Variants in ZNF704 observed in about 807,000 individuals in gnomAD.
The protein encoded by ZNF704 is zinc finger protein 704.
In ZNF704, 10 loss-of-function variants were observed where a neutral mutation model predicts 44.7. The observed-to-expected ratio is 0.22, with a 90% CI of 0.14 to 0.38. ZNF704 has a LOEUF of 0.38. Among genes scored for constraint, ZNF704 ranks in the 10% least tolerant of loss-of-function variants. The pLI is 1.00. For synonymous variants in ZNF704, 211 were observed against 207.6 expected (o/e 1.02, Z -0.14); for missense variants, 390 against 545.5 (o/e 0.71, Z 2.84).
Position 80,657,683 on chromosome 8 carries a change from CCT to C in ZNF704, c.1032+1900_1032+1901del, listed in dbSNP as rs569789172. Among the ~76,000 whole-genome samples, 188 of 145,206 alleles carry C rather than the reference CCT, an allele frequency of 1.3e-3. 1 individual carries two copies. The highest frequency in any genetic ancestry group is 4.6e-3 in the African/African-American group (171 of 37,070). On this transcript the variant is annotated intron_variant, in intron 7 of 8. Transcript: ENST00000327835. ...CTAAGCCTGGGTCATGGACTGAGAC[CCT>C]GTTTCAAGAAAAAAAAAAAAAAAAA...
intron 1 of ZNF704, among the ~76,000 whole-genome samples, chr8:80,863,936 T>C (rs980578798): frequency 1.4e-4 from 21 of 152,304 alleles, no homozygotes; most frequent in African/African-American, 5.1e-4. Flanking sequence ...GAATTTCTTC[T>C]CCCTTGGCAC....
rs775834014 is a variant in ZNF704, at chr8:80,635,809, T to G, written c.*5557A>C. Reference sequence around the variant, plus strand: ...GTAAAAGGAGTAGCTGTTGCTATCTTGATTCTCCTATAATACCCATTCCAT... The same window carrying G: ...GTAAAAGGAGTAGCTGTTGCTATCTGGATTCTCCTATAATACCCATTCCAT... On this transcript the variant is annotated 3_prime_UTR_variant, in exon 9 of 9. Transcript: ENST00000327835. 5 of 152,210 alleles carry G rather than the reference T, an allele frequency of 3.3e-5. No homozygotes were observed. The highest frequency in any genetic ancestry group is 7.3e-5 in the Non-Finnish European group (5 of 68,028). The allele number at this position is 152,210 out of a possible 1,614,324, so 9.4% of individuals were successfully genotyped here. A position where few individuals can be genotyped will look rare whatever the true frequency, so the allele number is the denominator to read the frequency against.
intron 1 of ZNF704, among the ~76,000 whole-genome samples, chr8:80,857,743 A>C (rs1808987071): frequency 6.6e-6 from 1 of 152,210 alleles, no homozygotes; most frequent in Non-Finnish European, 1.5e-5. Flanking sequence ...ATTTATTGGA[A>C]GGATACCATC....
At chr8:80,783,993 A>C (rs1288161580) in intron 2 of ZNF704, among the ~76,000 whole-genome samples, 1 of 152,154 alleles carries the variant, frequency 6.6e-6, no homozygotes, top group Non-Finnish European at 1.5e-5. Context: ...TAGCCTTTTC[A>C]GATTGGCTTC....
upstream of ZNF704, among the ~76,000 whole-genome samples, chr8:80,875,640 A>G (rs1198235381): frequency 6.6e-6 from 1 of 152,130 alleles, no homozygotes; most frequent in Non-Finnish European, 1.5e-5. Context: ...CATACCCCCA[A>G]TTCCATCCCT....
At chr8:80,714,873 A>G (rs1449421281) in intron 2 of ZNF704, among the ~76,000 whole-genome samples, 1 of 152,136 alleles carries the variant, frequency 6.6e-6, no homozygotes, top group African/African-American at 2.4e-5. Flanking sequence ...AAATCACTCT[A>G]TCACCACTAG....
At chr8:80,829,301 G>A (rs899102672) in intron 1 of ZNF704, among the ~76,000 whole-genome samples, 4 of 152,138 alleles carry the variant, frequency 2.6e-5, no homozygotes, top group Admixed American at 2.6e-4. Flanking sequence ...TCTGCCTGGA[G>A]GTGGGGGGAG....
intron 2 of ZNF704, among the ~76,000 whole-genome samples, chr8:80,790,603 G>T: frequency 6.6e-6 from 1 of 152,148 alleles, no homozygotes; most frequent in East Asian, 1.9e-4. Context: ...GTGGGAGAAG[G>T]CCAGCACAGC....
At chr8:80,714,970 T>C (rs573652345) in intron 2 of ZNF704, among the ~76,000 whole-genome samples, 29 of 152,248 alleles carry the variant, frequency 1.9e-4, no homozygotes, top group Admixed American at 4.6e-4. Context: ...ATGGAAACAA[T>C]AGTGATTTCT....
intron 7 of ZNF704, among the ~76,000 whole-genome samples, chr8:80,657,747 C>T (rs1304169369): frequency 6.6e-6 from 1 of 150,980 alleles, no homozygotes; most frequent in Admixed American, 6.6e-5. Flanking sequence ...CTACTTAACC[C>T]AGCTATGGTA....
chr8:80,824,417 T>C (rs1172277099), intron 1 of ZNF704, among the ~76,000 whole-genome samples: 2 of 152,144 alleles, frequency 1.3e-5, no homozygotes, highest in African/African-American at 2.4e-5. Flanking sequence ...CCAAGAAATA[T>C]GGGACTATGT....
At chr8:80,876,904 G>A (rs992277955), upstream of ZNF704, among the ~76,000 whole-genome samples, 1 of 152,004 alleles carries the variant, frequency 6.6e-6, no homozygotes, top group Non-Finnish European at 1.5e-5. Flanking sequence ...ACTTGTCATC[G>A]GAGGACCATG....
Position 80,805,294 on chromosome 8 carries a change from T to C in ZNF704, c.221+16080A>G, listed in dbSNP as rs73262565. On this transcript the variant is annotated intron_variant, in intron 2 of 8. Coordinates refer to ENST00000327835, the MANE Select transcript of ZNF704 (RefSeq NM_001033723.3). ...GCTCTGGGGAACATGGAGAACAAAC[T>C]GGAGCAAGAAAATTCCTGTTTTTTG... is the stretch of plus-strand genomic sequence containing the variant. Among the ~76,000 whole-genome samples the C allele has an allele frequency of 6.4e-3, 974 of 152,238 alleles. 9 individuals are homozygous for C. Among genetic ancestry groups the C allele is most frequent in the African/African-American group, 0.022 (907 of 41,570 alleles).
At chr8:80,719,428 GA>G (rs1376299002) in intron 2 of ZNF704, among the ~76,000 whole-genome samples, 2 of 152,146 alleles carry the variant, frequency 1.3e-5, no homozygotes, top group Non-Finnish European at 2.9e-5. Context: ...AATGCTTCCA[GA>G]AAAGATCAAA....
chr8:80,883,968 C>T, the ZNF704 span, among the ~76,000 whole-genome samples: 6 of 152,030 alleles, frequency 3.9e-5, no homozygotes, highest in African/African-American at 9.7e-5. Context: ...CTAAATTAAC[C>T]CCAGCAACCT....
At chr8:80,754,342 C>A (rs1201482259) in intron 2 of ZNF704, among the ~76,000 whole-genome samples, 2 of 152,084 alleles carry the variant, frequency 1.3e-5, no homozygotes, top group Non-Finnish European at 2.9e-5. Flanking sequence ...TCTAACTAGT[C>A]CAACAAATAT....
At chr8:80,643,736 T>C (rs1817783630) in intron 7 of ZNF704, among the ~76,000 whole-genome samples, 2 of 152,162 alleles carry the variant, frequency 1.3e-5, no homozygotes, top group South Asian at 4.1e-4. Context: ...TTGAATAATA[T>C]TTTAAATCTT....
At position 80,866,724 on chromosome 8, in the gene ZNF704, G is replaced by GC. The variant is rs200638526; in HGVS notation, c.-22+7846_-22+7847insG. Among the ~76,000 whole-genome samples the GC allele has an allele frequency of 4.3e-3, 661 of 152,200 alleles. 2 individuals are homozygous for GC. Among genetic ancestry groups the GC allele is most frequent in the Non-Finnish European group, 6.5e-3 (445 of 68,010 alleles). ...CTCTAAGCCCCTCTTGCGGGGTTGG[G>GC]GGGGGGATACATTAATCTAACTGGG... On this transcript the variant is annotated intron_variant, in intron 1 of 8. Transcript: ENST00000327835.
At chr8:80,709,352 G>A (rs1047086119) in intron 2 of ZNF704, among the ~76,000 whole-genome samples, 2 of 146,338 alleles carry the variant, frequency 1.4e-5, no homozygotes. Flanking sequence ...GCTGAGGCAG[G>A]AGAATGGCGT....
Sources: allele counts gnomAD v4.1 joint callset (sites outside exome capture counted in the v4.1 genomes callset), GRCh38; gene constraint gnomAD v4.1.1; transcripts MANE v1.5; gene names NCBI Gene and HGNC (gene_info 2026-07-23, HGNC 2026-07-21).